The following PIEZO2 variants were observed in gnomAD, a reference collection of about 807,000 sequenced individuals.
PIEZO2 encodes the protein piezo-type mechanosensitive ion channel component 2.
PIEZO2 carries 172 observed loss-of-function variants against 337.3 expected under a neutral mutation model. The ratio of observed to expected loss-of-function variants is 0.51; its 90% confidence interval spans 0.45 to 0.58. PIEZO2 has a LOEUF of 0.58. Ranked by LOEUF, PIEZO2 falls within the 20% of genes least tolerant of loss-of-function variation. The pLI, the probability that PIEZO2 is intolerant of heterozygous loss-of-function variation, is 0.00. For missense variants in PIEZO2, 3,028 were observed against 3,391.3 expected, an observed-to-expected ratio of 0.89 and a Z score of 2.66; for synonymous variants, 1,251 against 1,228.5, an observed-to-expected ratio of 1.02 and a Z score of -0.38.
rs951031937 is a variant in PIEZO2 at position 10,750,924 on chromosome 18, C to T, written c.4168-737G>A. On this transcript the variant is annotated intron_variant, in intron 28 of 55. Coordinates refer to ENST00000674853, the MANE Select transcript of PIEZO2 (RefSeq NM_001378183.1). The surrounding 1 kb of genome is among the most constrained non-coding windows in gnomAD (Gnocchi z 4.1). ...CAGCCCTGGGAATATTCCAGTCCTA[C>T]ACCATCATGTCCTGCTTTTGTTCCT... 6.6e-6 allele frequency among the ~76,000 whole-genome samples: 1 copy of T among 152,142 alleles called. No individual in the cohort carries two copies. Among genetic ancestry groups the T allele is most frequent in the Non-Finnish European group, 1.5e-5 (1 of 68,020 alleles).
intron 2 of PIEZO2, among the ~76,000 whole-genome samples, chr18:11,022,760 A>G (rs1014913713): frequency 6.6e-6 from 1 of 152,184 alleles, no homozygotes; most frequent in Non-Finnish European, 1.5e-5. Context: ...TGTGCATAGA[A>G]CTCTAGGCTA....
chr18:10,683,044 A>T (rs996594768), intron 49 of PIEZO2, among the ~76,000 whole-genome samples: 1 of 152,190 alleles, frequency 6.6e-6, no homozygotes, highest in Non-Finnish European at 1.5e-5. Context: ...TCTGATCTAC[A>T]TGTGTGTTCT....
chr18:10,728,973 A>C (rs1392731817), intron 36 of PIEZO2, among the ~76,000 whole-genome samples: 1 of 146,834 alleles, frequency 6.8e-6, no homozygotes, highest in African/African-American at 2.5e-5. Context: ...AAAAAAAAAA[A>C]ACAAAAACCA....
rs1393891760 is a variant in PIEZO2 at position 11,070,231 on chromosome 18, T to C, written c.65-4009A>G. On this transcript the variant is annotated intron_variant, in intron 1 of 55. Transcript: ENST00000674853. The surrounding 1 kb of genome is among the most constrained non-coding windows in gnomAD (Gnocchi z 4.3). ...AATACTATAGACAACTGTAATACAA[T>C]GGTAAGGATTTATGTATCTAAACAT... Among the ~76,000 whole-genome samples the C allele has an allele frequency of 1.3e-5, 2 of 152,170 alleles. No individual in the cohort carries two copies. Among genetic ancestry groups the C allele is most frequent in the African/African-American group, 4.8e-5 (2 of 41,442 alleles).
intron 5 of PIEZO2, 56 bp downstream of exon 5, chr18:10,871,197 T>A (rs2042130894): frequency 6.8e-7 from 1 of 1,469,014 alleles, no homozygotes; most frequent in African/African-American, 1.4e-5. Flanking sequence ...CTGCAACTTA[T>A]TAAGGGTCAA....
intron 2 of PIEZO2, among the ~76,000 whole-genome samples, chr18:11,064,683 T>C (rs1188162013): frequency 6.6e-6 from 1 of 152,158 alleles, no homozygotes; most frequent in Non-Finnish European, 1.5e-5. Flanking sequence ...TCAGGGGTTG[T>C]CACAGAAGTA....
intron 39 of PIEZO2, among the ~76,000 whole-genome samples, chr18:10,711,714 T>C (rs551010561): frequency 5.9e-5 from 9 of 152,320 alleles, no homozygotes; most frequent in African/African-American, 2.2e-4. Flanking sequence ...GCATATTTTC[T>C]CGAAGAAAGA....
At chr18:10,776,811 T>C (rs1445162015) in intron 18 of PIEZO2, among the ~76,000 whole-genome samples, 1 of 152,172 alleles carries the variant, frequency 6.6e-6, no homozygotes, top group East Asian at 1.9e-4. Flanking sequence ...CAGCTTTTTT[T>C]TTCCTTCCTA....
Position 10,979,209 on chromosome 18 carries a change from T to TG in PIEZO2, c.286+325_286+326insC, listed in dbSNP as rs1392567737. On this transcript the variant is annotated intron_variant, in intron 3 of 55. Coordinates refer to ENST00000674853, the MANE Select transcript of PIEZO2 (RefSeq NM_001378183.1). The surrounding 1 kb of genome is among the most constrained non-coding windows in gnomAD (Gnocchi z 4.0). The stretch of plus-strand genomic sequence containing the variant: ...TTAGAAATTGTACCTTTTTTTTTTT[T>TG]TACTCGCTGTAATGAAAGCTCCAAG... Among the ~76,000 whole-genome samples the TG allele has an allele frequency of 6.6e-6, 1 of 152,000 alleles. No individual in the cohort carries two copies. The highest frequency in any genetic ancestry group is 1.5e-5 in the Non-Finnish European group (1 of 68,004).
chr18:11,144,179 G>A (rs897797408), intron 1 of PIEZO2, among the ~76,000 whole-genome samples: 10 of 152,170 alleles, frequency 6.6e-5, no homozygotes, highest in African/African-American at 2.4e-4. Context: ...GCAACAGGAC[G>A]GACACATAGC....
Position 10,929,270 on chromosome 18 carries a change from G to A in PIEZO2, c.287-18042C>T, listed in dbSNP as rs558953028. On this transcript the variant is annotated intron_variant, in intron 3 of 55. Transcript: ENST00000674853. The surrounding 1 kb of genome is among the most constrained non-coding windows in gnomAD (Gnocchi z 5.6). ...AAGAAAAGAAATTAAAAGTGTGAGC[G>A]AGCTGCAAACGTGCACGCATCATAT... 1.3e-5 allele frequency among the ~76,000 whole-genome samples: 2 copies of A among 152,122 alleles called. No homozygotes were observed. Among genetic ancestry groups the A allele is most frequent in the African/African-American group, 4.8e-5 (2 of 41,414 alleles).
intron 3 of PIEZO2, among the ~76,000 whole-genome samples, chr18:10,978,945 A>T (rs184997301): frequency 3.9e-5 from 6 of 152,284 alleles, no homozygotes; most frequent in Admixed American, 3.3e-4. Flanking sequence ...TATCTAGATA[A>T]AACATGTATA....
chr18:10,738,441 C>T (rs1428543802), intron 33 of PIEZO2: 1 of 151,938 alleles, frequency 6.6e-6, no homozygotes, highest in Non-Finnish European at 1.5e-5. Context: ...TAGAAACCAC[C>T]AATATTTATG....
In PIEZO2 at chr18:10,682,036, A is replaced by G; in HGVS notation, c.7686+68T>C. 7.0e-7 allele frequency: 1 copy of G among 1,418,908 alleles called. No homozygotes were observed. Among genetic ancestry groups the G allele is most frequent in the Non-Finnish European group, 9.4e-7 (1 of 1,064,140 alleles). The allele number at this position is 1,418,908 out of a possible 1,614,324, so 87.9% of individuals were successfully genotyped here. A position where few individuals can be genotyped will look rare whatever the true frequency, so the allele number is the denominator to read the frequency against. On this transcript the variant is annotated intron_variant, in intron 50 of 55. Coordinates refer to ENST00000674853, the MANE Select transcript of PIEZO2 (RefSeq NM_001378183.1). The surrounding 1 kb of genome is among the most constrained non-coding windows in gnomAD (Gnocchi z 5.6). The stretch of plus-strand genomic sequence containing the variant: ...GGCAGCCCATGACTAAACACCCTAC[A>G]GACAGCTATCATAAAGGAATGTGGC...
intron 2 of PIEZO2, among the ~76,000 whole-genome samples, chr18:11,030,731 T>C (rs1204126329): frequency 6.6e-6 from 1 of 152,102 alleles, no homozygotes; most frequent in African/African-American, 2.4e-5. Context: ...CAAGACGTAG[T>C]CCAGGGCCAG....
At position 11,127,897 on chromosome 18, in the gene PIEZO2, C is replaced by T. The variant is rs2040232604; in HGVS notation, c.64+20628G>A. 6.6e-6 allele frequency among the ~76,000 whole-genome samples: 1 copy of T among 150,828 alleles called. No individual in the cohort carries two copies. The highest frequency in any genetic ancestry group is 1.5e-5 in the Non-Finnish European group (1 of 67,874). ...GGTATCAGGAGTGGTTCTAGAGGAA[C>T]AGAATATTAAGGATGGAGTTCTTTC... is the stretch of plus-strand genomic sequence containing the variant. On this transcript the variant is annotated intron_variant, in intron 1 of 55. Transcript: ENST00000674853. The surrounding 1 kb of genome is among the most constrained non-coding windows in gnomAD (Gnocchi z 4.5).
At chr18:10,675,938 C>T (rs1269733824) in intron 53 of PIEZO2, among the ~76,000 whole-genome samples, 1 of 152,194 alleles carries the variant, frequency 6.6e-6, no homozygotes, top group Admixed American at 6.5e-5. Flanking sequence ...TCGCCTTCCA[C>T]CATGATTGTG....
intron 3 of PIEZO2, among the ~76,000 whole-genome samples, chr18:10,919,418 T>A (rs866433617): frequency 6.6e-6 from 1 of 152,132 alleles, no homozygotes; most frequent in Non-Finnish European, 1.5e-5. Flanking sequence ...AAACAAATAT[T>A]ATATTTGTTT....
chr18:10,934,636 C>CGTGTGTGTGTGTGTGTGTGTGTGTGT (rs59190236), intron 3 of PIEZO2, among the ~76,000 whole-genome samples: 22 of 130,824 alleles, frequency 1.7e-4, no homozygotes, highest in African/African-American at 5.3e-4. Context: ...ATTGTGTGTA[C>CGTGTGTGTGTGTGTGTGTGTGTGTGT]GTGTGTGTGT....
Sources: allele counts gnomAD v4.1 joint callset (sites outside exome capture counted in the v4.1 genomes callset), GRCh38; gene constraint gnomAD v4.1.1; non-coding constraint Gnocchi (gnomAD v3.1); transcripts MANE v1.5; gene names NCBI Gene and HGNC (gene_info 2026-07-23, HGNC 2026-07-21).